The following SV2C variants were observed in gnomAD, a reference collection of about 807,000 sequenced individuals.
SV2C encodes solute carrier family 22 member B3.
Under a neutral mutation model 79.7 loss-of-function variants are expected in SV2C, and 49 were observed. The observed-to-expected ratio is 0.61, with a 90% CI of 0.49 to 0.78. SV2C has a LOEUF of 0.78. Ranked by LOEUF, SV2C falls within the 30% of genes least tolerant of loss-of-function variation. The pLI, the probability that SV2C is intolerant of heterozygous loss-of-function variation, is 0.00. For missense variants in SV2C, 833 were observed against 912.9 expected (o/e 0.91, Z 1.13); for synonymous variants, 334 against 333.2 (o/e 1.00, Z -0.03).
chr5:76,194,024 G>T (rs1744188827), intron 2 of SV2C, among the ~76,000 whole-genome samples: 1 of 152,184 alleles, frequency 6.6e-6, no homozygotes, highest in African/African-American at 2.4e-5. Context: ...GCTTGTCTTT[G>T]TGTTACTCAT....
chr5:75,955,217 A>G, the SV2C span, among the ~76,000 whole-genome samples: 52 of 151,648 alleles, frequency 3.4e-4, 1 homozygote, highest in East Asian at 7.6e-3. Flanking sequence ...ATGGAACAGA[A>G]CAGAGCCCTC....
At chr5:75,970,897 T>C in the SV2C span, among the ~76,000 whole-genome samples, 1 of 152,032 alleles carries the variant, frequency 6.6e-6, no homozygotes, top group Non-Finnish European at 1.5e-5. Context: ...ACCAATATCC[T>C]TGATGAACAT....
chr5:75,957,493 A>C, the SV2C span, among the ~76,000 whole-genome samples: 10 of 152,154 alleles, frequency 6.6e-5, no homozygotes, highest in Admixed American at 6.5e-4. Flanking sequence ...TCTCCAATCT[A>C]CAATGGGAGG....
intron 1 of SV2C, among the ~76,000 whole-genome samples, chr5:76,112,292 G>A (rs1748119185): frequency 6.6e-6 from 1 of 152,212 alleles, no homozygotes; most frequent in Non-Finnish European, 1.5e-5. Context: ...GTGTGGTCAA[G>A]GGCTCTATGT....
Position 76,212,451 on chromosome 5 carries a change from C to T in SV2C, c.913+2564C>T, listed in dbSNP as rs117562574. On this transcript the variant is annotated intron_variant, in intron 4 of 12. Coordinates refer to ENST00000502798, the MANE Select transcript of SV2C (RefSeq NM_014979.4). ...TACAGCAGCTGAAGTGCTTTTTTTT[C>T]TCTCTCTCTCTCTTTTTCTTTTTTT... 2.5e-3 allele frequency among the ~76,000 whole-genome samples: 385 copies of T among 151,452 alleles called. 12 individuals are homozygous for T. The East Asian group carries it at 0.059, about 23-fold the overall frequency.
At chr5:76,351,648 A>C (rs1345257248) in intron 12 of SV2C, among the ~76,000 whole-genome samples, 1 of 152,156 alleles carries the variant, frequency 6.6e-6, no homozygotes, top group East Asian at 1.9e-4. Flanking sequence ...TGGAAATGTC[A>C]GTTTACAGAG....
the SV2C span, among the ~76,000 whole-genome samples, chr5:76,044,214 T>A: frequency 6.6e-5 from 10 of 152,218 alleles, no homozygotes; most frequent in Admixed American, 6.5e-4. Context: ...TCCAGCTCTA[T>A]CCATATCCCT....
intron 1 of SV2C, among the ~76,000 whole-genome samples, chr5:76,119,112 A>G (rs912226263): frequency 1.3e-5 from 2 of 152,264 alleles, no homozygotes; most frequent in Non-Finnish European, 2.9e-5. Flanking sequence ...AACAGCCTAC[A>G]TGCCCAATGA....
chr5:76,317,051 T>A (rs1834886), intron 12 of SV2C, among the ~76,000 whole-genome samples: 40,704 of 151,936 alleles, frequency 0.27, 5,741 homozygotes, highest in East Asian at 0.44. Context: ...AAAAAACGCA[T>A]AGAATATGTA....
chr5:76,006,367 A>G, the SV2C span, among the ~76,000 whole-genome samples: 53 of 152,180 alleles, frequency 3.5e-4, no homozygotes, highest in African/African-American at 1.2e-3. Flanking sequence ...AAGAGATGCT[A>G]TGTAAGAGGA....
At chr5:75,985,690 T>G in the SV2C span, among the ~76,000 whole-genome samples, 4 of 151,676 alleles carry the variant, frequency 2.6e-5, no homozygotes, top group Admixed American at 6.6e-5. Context: ...AAAAGTAATG[T>G]TAAAAAAAAG....
the SV2C span, among the ~76,000 whole-genome samples, chr5:76,074,001 G>A: frequency 7.2e-4 from 110 of 152,310 alleles, no homozygotes; most frequent in Middle Eastern, 3.4e-3. Context: ...TCCCTCATTG[G>A]TTGAGGGTTC....
chr5:76,215,541 T>A (rs1244679214), intron 4 of SV2C, among the ~76,000 whole-genome samples: 1 of 152,242 alleles, frequency 6.6e-6, no homozygotes, highest in Non-Finnish European at 1.5e-5. Flanking sequence ...CCACTTTCCC[T>A]GAAGCCTCTG....
rs534468123 is a variant in SV2C, at chr5:76,287,374, T to C, written c.1137+1504T>C. ...GACATGAACATAAGGTATAAAAGAA[T>C]CATAGATATAGTTCCAAAAATATAT... is the stretch of plus-strand genomic sequence containing the variant. On this transcript the variant is annotated intron_variant, in intron 6 of 12. Coordinates refer to ENST00000502798, the MANE Select transcript of SV2C (RefSeq NM_014979.4). 1.2e-3 allele frequency among the ~76,000 whole-genome samples: 177 copies of C among 152,280 alleles called. 1 individual carries two copies. Among genetic ancestry groups the C allele is most frequent in the South Asian group, 1.5e-3 (7 of 4,822 alleles).
chr5:76,111,054 A>G (rs1177965740), intron 1 of SV2C, among the ~76,000 whole-genome samples: 1 of 152,264 alleles, frequency 6.6e-6, no homozygotes, highest in Non-Finnish European at 1.5e-5. Context: ...CTTTATAAGT[A>G]TAAATGTGCA....
At chr5:76,102,676 A>G (rs1162805676) in intron 1 of SV2C, among the ~76,000 whole-genome samples, 3 of 152,256 alleles carry the variant, frequency 2.0e-5, no homozygotes, top group African/African-American at 7.2e-5. Context: ...AGGCTTAAAA[A>G]CCCAAGTTCT....
At chr5:76,350,843 G>T (rs1227100832) in intron 12 of SV2C, among the ~76,000 whole-genome samples, 1 of 152,050 alleles carries the variant, frequency 6.6e-6, no homozygotes, top group Non-Finnish European at 1.5e-5. Flanking sequence ...GTGAAACCCT[G>T]TCTCTACTAA....
the SV2C span, chr5:75,910,383 C>A: frequency 1.6e-5 from 9 of 579,224 alleles, no homozygotes; most frequent in African/African-American, 1.3e-4. Flanking sequence ...TCATGACTAT[C>A]CCACTCACTG....
chr5:76,061,268 T>TAAAAAAAAAAAAA, the SV2C span, among the ~76,000 whole-genome samples: 5 of 51,608 alleles, frequency 9.7e-5, no homozygotes, highest in Non-Finnish European at 1.4e-4. Flanking sequence ...CTTCAATTTG[T>TAAAAAAAAAAAAA]AAAAAAAAAA....
Sources: gnomAD v4.1 joint callset for allele counts (sites outside exome capture counted in the v4.1 genomes callset) on GRCh38, gnomAD v4.1.1 for gene constraint, MANE v1.5 for transcripts, NCBI Gene and HGNC (gene_info 2026-07-23, HGNC 2026-07-21) for gene names.